The following SLC9A1 variants were observed in gnomAD, a reference collection of about 807,000 sequenced individuals.
The protein encoded by SLC9A1 is sodium/hydrogen exchanger 1.
A neutral mutation model predicts 67.9 loss-of-function variants in SLC9A1; 22 were observed. The observed-to-expected ratio is 0.32, with a 90% CI of 0.23 to 0.46. SLC9A1 has a LOEUF of 0.46. Among genes scored for constraint, SLC9A1 ranks in the 20% least tolerant of loss-of-function variants. SLC9A1 has a pLI of 1.00. For synonymous variants in SLC9A1, 421 were observed against 471.8 expected, an observed-to-expected ratio of 0.89 and a Z score of 1.40; for missense variants, 686 against 1,094.8, an observed-to-expected ratio of 0.63 and a Z score of 5.27.
At chr1:27,123,190 T>A (rs2083316666) in intron 1 of SLC9A1, among the ~76,000 whole-genome samples, 1 of 152,196 alleles carries the variant, frequency 6.6e-6, no homozygotes, top group African/African-American at 2.4e-5. Context: ...CTTATGGTCA[T>A]TAAAATTTTT....
In SLC9A1 at chr1:27,154,388, C is replaced by G; in HGVS notation, c.-54G>C. On this transcript the variant is annotated 5_prime_UTR_variant, in exon 1 of 12. Coordinates refer to ENST00000263980, the MANE Select transcript of SLC9A1 (RefSeq NM_003047.5). ...TTACCCAAATGAGAGTAAAACCGGG[C>G]ACATAGGTAGCAAAGGGTCAGCAAG... 1 of 1,214,606 alleles carries G rather than the reference C, an allele frequency of 8.2e-7. No homozygotes were observed. The highest frequency in any genetic ancestry group is 1.1e-6 in the Non-Finnish European group (1 of 869,648). The allele number at this position is 1,214,606 out of a possible 1,614,324, so 75.2% of individuals were successfully genotyped here.
rs764121897 is a variant in SLC9A1, at chr1:27,109,846, C to T, written c.814-69G>A. On this transcript the variant is annotated intron_variant, in intron 2 of 11. Transcript: ENST00000263980. The surrounding 1 kb of genome is among the most constrained non-coding windows in gnomAD (Gnocchi z 5.5). ...GGCCCCACGGTTCCCTGGGGTCCAC[C>T]CAGGGCAATCCTGTCCCCTCCGTTA... is the stretch of plus-strand genomic sequence containing the variant. The T allele has an allele frequency of 3.1e-5, 49 of 1,562,262 alleles. No homozygotes were observed. Among genetic ancestry groups the T allele is most frequent in the Non-Finnish European group, 3.9e-5 (44 of 1,141,994 alleles).
intron 1 of SLC9A1, among the ~76,000 whole-genome samples, chr1:27,127,281 G>A (rs1242201315): frequency 2.0e-5 from 3 of 152,208 alleles, no homozygotes; most frequent in Non-Finnish European, 2.9e-5. Flanking sequence ...GATTACAGGC[G>A]TGAGCCACTG....
rs2083254385 is a variant in SLC9A1, at chr1:27,114,774, C to A, written c.353-488G>T. Among the ~76,000 whole-genome samples the A allele has an allele frequency of 6.6e-6, 1 of 152,120 alleles. No homozygotes were observed. Among genetic ancestry groups the A allele is most frequent in the Non-Finnish European group, 1.5e-5 (1 of 68,026 alleles). On this transcript the variant is annotated intron_variant, in intron 1 of 11. Transcript: ENST00000263980. This position sits in a 1 kb window ranked among gnomAD's most constrained non-coding sequence, Gnocchi z 5.4. ...AAGATGGTAGTTCCCTATCACGGAG[C>A]TGTTTAAGCAGAAGGCAGACAACCA...
At chr1:27,113,739 T>C (rs2083246336) in intron 2 of SLC9A1, 87 bp downstream of exon 2, 2 of 997,422 alleles carry the variant, frequency 2.0e-6, no homozygotes, top group Admixed American at 4.2e-5. Context: ...TTATTACTGT[T>C]ATTAGCGGGT....
At chr1:27,138,710 A>G (rs1484537707) in intron 1 of SLC9A1, among the ~76,000 whole-genome samples, 1 of 152,082 alleles carries the variant, frequency 6.6e-6, no homozygotes, top group African/African-American at 2.4e-5. Flanking sequence ...GGCAAGGCAG[A>G]TGTGCGTTAG....
At chr1:27,138,554 G>A (rs960041688) in intron 1 of SLC9A1, among the ~76,000 whole-genome samples, 1 of 152,074 alleles carries the variant, frequency 6.6e-6, no homozygotes, top group African/African-American at 2.4e-5. Flanking sequence ...TGTGCTGCCC[G>A]TTAGACTGGA....
rs1368225178 is a variant in SLC9A1 at position 27,144,261 on chromosome 1, A to G, written c.352+9722T>C. Among the ~76,000 whole-genome samples, 4 of 152,184 alleles carry G rather than the reference A, an allele frequency of 2.6e-5. No homozygotes were observed. The South Asian group carries it at 6.2e-4, about 24-fold the overall frequency. On this transcript the variant is annotated intron_variant, in intron 1 of 11. Coordinates refer to ENST00000263980, the MANE Select transcript of SLC9A1 (RefSeq NM_003047.5). ...TTACGGCTTGAGGAATCTTCCCAGG[A>G]AAAGCTTAATTCAATTAGGGCTCTC...
chr1:27,131,950 ATATAT>A (rs1557428219), intron 1 of SLC9A1, among the ~76,000 whole-genome samples: 18 of 92,022 alleles, frequency 2.0e-4, no homozygotes, highest in African/African-American at 5.0e-4. Flanking sequence ...AAAAAAAAAT[ATATAT>A]ATATATATAT....
intron 6 of SLC9A1, 132 bp from the exon 7 acceptor site, chr1:27,102,875 G>A: frequency 2.5e-6 from 2 of 798,342 alleles, no homozygotes; most frequent in Admixed American, 2.2e-5. Context: ...GAGCAGCCAG[G>A]AGGTGGCGCC....
In SLC9A1 at chr1:27,123,382, C is replaced by T. The variant is rs114678848; in HGVS notation, c.353-9096G>A. On this transcript the variant is annotated intron_variant, in intron 1 of 11. Transcript: ENST00000263980. ...AAAATTATGTGTGAATGGTAAATCA[C>T]ACATGCTGTGCTTCAACTGCTTCTA... 1.9e-3 allele frequency among the ~76,000 whole-genome samples: 288 copies of T among 152,226 alleles called. 1 individual carries two copies. Among genetic ancestry groups the T allele is most frequent in the Non-Finnish European group, 3.2e-3 (220 of 68,020 alleles).
rs147473952 is a variant in SLC9A1 at position 27,118,041 on chromosome 1, A to G, written c.353-3755T>C. ...AAAACGAGCTCTGAGAGGAGGCTGC[A>G]TGCACTCAGCCAGGCCAACCAGGAC... On this transcript the variant is annotated intron_variant, in intron 1 of 11. Coordinates refer to ENST00000263980, the MANE Select transcript of SLC9A1 (RefSeq NM_003047.5). This position sits in a 1 kb window ranked among gnomAD's most constrained non-coding sequence, Gnocchi z 4.3. Among the ~76,000 whole-genome samples the G allele has an allele frequency of 2.0e-4, 30 of 152,306 alleles. No individual in the cohort carries two copies. The East Asian group carries it at 5.8e-3, about 29-fold the overall frequency.
intron 1 of SLC9A1, among the ~76,000 whole-genome samples, chr1:27,144,784 G>A (rs2083474581): frequency 6.6e-6 from 1 of 152,214 alleles, no homozygotes; most frequent in Non-Finnish European, 1.5e-5. Flanking sequence ...CAAGGTGGGT[G>A]GATCACCTGA....
chr1:27,130,476 A>C (rs906127167), intron 1 of SLC9A1, among the ~76,000 whole-genome samples: 14 of 152,190 alleles, frequency 9.2e-5, no homozygotes, highest in Non-Finnish European at 1.9e-4. Flanking sequence ...CAAGGAGAGA[A>C]GCAGGAGCTA....
chr1:27,138,493 C>T (rs1010072374), intron 1 of SLC9A1, among the ~76,000 whole-genome samples: 1 of 151,868 alleles, frequency 6.6e-6, no homozygotes, highest in African/African-American at 2.4e-5. Context: ...TGGCTGTGTC[C>T]TCAGATCCAG....
At chr1:27,150,876 C>A (rs1570890983) in intron 1 of SLC9A1, among the ~76,000 whole-genome samples, 2 of 152,172 alleles carry the variant, frequency 1.3e-5, no homozygotes, top group Non-Finnish European at 2.9e-5. Context: ...GGAGGGGTAA[C>A]CTGCAAGGGA....
chr1:27,153,961 C>T, intron 1 of SLC9A1, 22 bp downstream of exon 1: 1 of 1,486,258 alleles, frequency 6.7e-7, no homozygotes, highest in African/African-American at 1.4e-5. Context: ...GCGGCCGCAG[C>T]ATCGGAGCAA....
Position 27,117,922 on chromosome 1 carries a change from C to T in SLC9A1, c.353-3636G>A, listed in dbSNP as rs376349293. Reference sequence around the variant, plus strand: ...TGAGGTGACTCAGACTCTGAACCTCCGTGAGCAGCTGATGGGGAGGGCCAT... The same window carrying T: ...TGAGGTGACTCAGACTCTGAACCTCTGTGAGCAGCTGATGGGGAGGGCCAT... On this transcript the variant is annotated intron_variant, in intron 1 of 11. Coordinates refer to ENST00000263980, the MANE Select transcript of SLC9A1 (RefSeq NM_003047.5). Among the ~76,000 whole-genome samples the T allele has an allele frequency of 4.9e-4, 75 of 152,310 alleles. 1 individual carries two copies. Among genetic ancestry groups the T allele is most frequent in the African/African-American group, 1.7e-3 (69 of 41,576 alleles).
In SLC9A1 at chr1:27,154,427, T is replaced by A; in HGVS notation, c.-93A>T. 2 of 721,906 alleles carry A rather than the reference T, an allele frequency of 2.8e-6. No homozygotes were observed. Among genetic ancestry groups the A allele is most frequent in the Non-Finnish European group, 4.4e-6 (2 of 453,332 alleles). 44.7% of individuals were successfully genotyped at this position (721,906 alleles called of 1,614,324 possible). A position where few individuals can be genotyped will look rare whatever the true frequency, so the allele number is the denominator to read the frequency against. ...AGGGTCAGCAAGTGGGAAGAGAGAC[T>A]GGCGTAGTCTCTAGGAAAAGTTCAT... On this transcript the variant is annotated 5_prime_UTR_variant, in exon 1 of 12. Coordinates refer to ENST00000263980, the MANE Select transcript of SLC9A1 (RefSeq NM_003047.5).
Sources: allele counts gnomAD v4.1 joint callset (sites outside exome capture counted in the v4.1 genomes callset), GRCh38; gene constraint gnomAD v4.1.1; non-coding constraint Gnocchi (gnomAD v3.1); transcripts MANE v1.5; gene names NCBI Gene and HGNC (gene_info 2026-07-23, HGNC 2026-07-21).